Variants in TMCO4 observed in about 807,000 individuals in gnomAD.
TMCO4 encodes the protein transmembrane and coiled-coil domain-containing protein 4.
TMCO4 carries 58 observed loss-of-function variants against 64.7 expected under a neutral mutation model. The ratio of observed to expected loss-of-function variants is 0.90; its 90% CI spans 0.73 to 1.12. The LOEUF (loss-of-function observed/expected upper bound fraction) is 1.12. Ranked by LOEUF, TMCO4 falls within the 50% of genes most tolerant of loss-of-function variation. The pLI is 0.00. For synonymous variants in TMCO4, 325 were observed against 346.1 expected (o/e 0.94, Z 0.68); for missense variants, 780 against 825.9 (o/e 0.94, Z 0.68).
chr1:19,756,490 C>T (rs1205366242), intron 6 of TMCO4, among the ~76,000 whole-genome samples: 5 of 151,868 alleles, frequency 3.3e-5, no homozygotes, highest in South Asian at 2.1e-4. Flanking sequence ...AGAAAACAAC[C>T]GTAAATGCAG....
In TMCO4 at chr1:19,740,812, A is replaced by G; in HGVS notation, c.1007T>C (p.Val336Ala). 1 of 1,613,808 alleles carries G rather than the reference A, an allele frequency of 6.2e-7. No homozygotes were observed. The highest frequency in any genetic ancestry group is 8.5e-7 in the Non-Finnish European group (1 of 1,179,862). Residue 336 changes from valine to alanine, a missense_variant, in exon 11 of 16, where the codon GTG becomes GCG. Physicochemically the swap from Val to Ala is moderately conservative, Grantham distance 64 (BLOSUM62 0). Transcript: ENST00000294543. ...ETILSGLANM[V>A]AQEALKYTVL... ...TGTGTACTTTAGGGCCTCCTGGGCC[A>G]CCATGTTGGCGAGACCACTGAGGAT...
At chr1:19,690,179 A>G (rs1367401474) in intron 15 of TMCO4, among the ~76,000 whole-genome samples, 1 of 152,182 alleles carries the variant, frequency 6.6e-6, no homozygotes, top group Non-Finnish European at 1.5e-5. Context: ...TCACTCTTCA[A>G]TTATCAGCGT....
Position 19,743,404 on chromosome 1 carries a change from T to C in TMCO4, c.877+2128A>G, listed in dbSNP as rs2041618576. ...AGAAAGTCCGGTCATTCCTATCACA[T>C]GGAAAAAGCAATCAGGTGATGATAA... On this transcript the variant is annotated intron_variant, in intron 10 of 15. Transcript: ENST00000294543. The surrounding 1 kb of genome is among the most constrained non-coding windows in gnomAD (Gnocchi z 4.1). 1.3e-5 allele frequency among the ~76,000 whole-genome samples: 2 copies of C among 152,200 alleles called. No homozygotes were observed. Among genetic ancestry groups the C allele is most frequent in the Non-Finnish European group, 2.9e-5 (2 of 68,038 alleles).
At chr1:19,782,162 G>A (rs866084145) in intron 3 of TMCO4, among the ~76,000 whole-genome samples, 3 of 152,108 alleles carry the variant, frequency 2.0e-5, no homozygotes, top group East Asian at 1.9e-4. Context: ...CAACCCACAC[G>A]TCTATCACAG....
intron 2 of TMCO4, among the ~76,000 whole-genome samples, chr1:19,793,582 C>A (rs959162416): frequency 2.0e-5 from 3 of 152,168 alleles, no homozygotes; most frequent in Admixed American, 1.3e-4. Context: ...GTCAGTGAGG[C>A]ATCTCAGGAG....
rs775443953 is a variant in TMCO4 at position 19,780,731 on chromosome 1, T to C, written c.28A>G (p.Arg10Gly). The change falls in exon 4 of 16, where the codon AGG becomes GGG. Residue 10 changes from arginine (R) to glycine (G), a missense_variant. Physicochemically the swap from Arg to Gly is moderately radical, Grantham distance 125. Transcript: ENST00000294543. Reference protein sequence around the residue: MAMWNRPCQRLPQQPLVAEP... With the variant: MAMWNRPCQGLPQQPLVAEP... ...GCTACCAGAGGCTGCTGAGGCAGCC[T>C]CTGGCATGGCCTGTTCCACATGGCC... 1 of 1,604,792 alleles carries C rather than the reference T, an allele frequency of 6.2e-7. No individual in the cohort carries two copies. Among genetic ancestry groups the C allele is most frequent in the African/African-American group, 1.3e-5 (1 of 74,208 alleles).
chr1:19,767,538 A>G (rs2042789925), intron 6 of TMCO4, among the ~76,000 whole-genome samples: 1 of 152,156 alleles, frequency 6.6e-6, no homozygotes, highest in Non-Finnish European at 1.5e-5. Context: ...TAGGTGCCCA[A>G]GATGGTTTGG....
chr1:19,694,746 A>T (rs1337314977), intron 14 of TMCO4, among the ~76,000 whole-genome samples, 195 bp from the exon 15 acceptor site: 1 of 152,234 alleles, frequency 6.6e-6, no homozygotes, highest in Non-Finnish European at 1.5e-5. Flanking sequence ...CCTGGGTGCC[A>T]GGCATGGTGT....
intron 7 of TMCO4, among the ~76,000 whole-genome samples, chr1:19,749,484 C>T (rs1046184882): frequency 2.6e-5 from 4 of 152,082 alleles, no homozygotes; most frequent in African/African-American, 9.7e-5. Context: ...CCTCCCACCT[C>T]GGCCTCCCAT....
intron 15 of TMCO4, among the ~76,000 whole-genome samples, chr1:19,691,854 T>A (rs1335839531): frequency 1.3e-5 from 2 of 152,170 alleles, no homozygotes; most frequent in Non-Finnish European, 2.9e-5. Flanking sequence ...ATCATAGGGG[T>A]GGTTTCCCCC....
chr1:19,721,760 GCC>G (rs2095384893), intron 13 of TMCO4, among the ~76,000 whole-genome samples: 2 of 152,088 alleles, frequency 1.3e-5, no homozygotes, highest in African/African-American at 4.8e-5. Context: ...CCGCACTCCA[GCC>G]TGGGTGACAG....
At chr1:19,780,855 T>G in intron 3 of TMCO4, 89 bp from the exon 4 acceptor site, 1 of 1,135,706 alleles carries the variant, frequency 8.8e-7, no homozygotes, top group Non-Finnish European at 1.2e-6. Context: ...CCATAAAAGG[T>G]TGATAAAGTA....
intron 3 of TMCO4, 45 bp downstream of exon 3, chr1:19,786,981 T>C (rs1265721987): frequency 2.6e-5 from 4 of 152,296 alleles, no homozygotes; most frequent in African/African-American, 4.8e-5. Context: ...CCATTTTAAA[T>C]AGTAATAAGG....
At chr1:19,764,249 C>G (rs2042632333) in intron 6 of TMCO4, among the ~76,000 whole-genome samples, 1 of 152,186 alleles carries the variant, frequency 6.6e-6, no homozygotes, top group African/African-American at 2.4e-5. Context: ...AGCCCCGGGG[C>G]CTGTCTGGAA....
At chr1:19,770,661 A>C (rs2042939734) in intron 5 of TMCO4, 92 bp from the exon 6 acceptor site, 1 of 1,329,942 alleles carries the variant, frequency 7.5e-7, no homozygotes, top group Non-Finnish European at 1.0e-6. Flanking sequence ...AAGTGGCAGA[A>C]CAAGACAGAC....
chr1:19,700,973 G>T (rs2095268369), intron 13 of TMCO4, 88 bp from the exon 14 acceptor site: 1 of 1,011,658 alleles, frequency 9.9e-7, no homozygotes, highest in Non-Finnish European at 1.5e-6. Flanking sequence ...GGAGATGAAT[G>T]TCACACACAT....
Position 19,755,795 on chromosome 1 carries a change from G to T in TMCO4, c.383-29C>A, listed in dbSNP as rs1199000968. 7 of 1,613,500 alleles carry T rather than the reference G, an allele frequency of 4.3e-6. No individual in the cohort carries two copies. In the African/African-American group the frequency reaches 5.3e-5, roughly 12 times the overall value. On this transcript the variant is annotated intron_variant, in intron 6 of 15. Coordinates refer to ENST00000294543, the MANE Select transcript of TMCO4 (RefSeq NM_181719.7). Reference sequence around the variant, plus strand: ...GAAAGACAGAAACAACACCGGAAAAGAATCAGTTTAGGTTTTAAGAACAGT... The same window carrying T: ...GAAAGACAGAAACAACACCGGAAAATAATCAGTTTAGGTTTTAAGAACAGT...
chr1:19,701,753 G>C (rs1166249917), intron 13 of TMCO4, among the ~76,000 whole-genome samples: 1 of 152,126 alleles, frequency 6.6e-6, no homozygotes, highest in Non-Finnish European at 1.5e-5. Flanking sequence ...GAGAGGGGGC[G>C]AGTAGGTCCT....
intron 9 of TMCO4, 115 bp downstream of exon 9, chr1:19,746,341 G>T: frequency 6.9e-7 from 1 of 1,458,106 alleles, no homozygotes; most frequent in South Asian, 1.3e-5. Context: ...GAAAAGCCAC[G>T]TCTCCTCTGT....
Sources: allele counts gnomAD v4.1 joint callset (sites outside exome capture counted in the v4.1 genomes callset), GRCh38; gene constraint gnomAD v4.1.1; non-coding constraint Gnocchi (gnomAD v3.1); transcripts MANE v1.5; gene names NCBI Gene and HGNC (gene_info 2026-07-23, HGNC 2026-07-21).